ALPK3: variants seen among roughly 807,000 people sequenced by gnomAD.
The protein encoded by ALPK3 is alpha-protein kinase 3.
Under a neutral mutation model 140.0 loss-of-function variants are expected in ALPK3, and 102 were observed. The ratio of observed to expected loss-of-function variants is 0.73; its 90% CI spans 0.62 to 0.86. The LOEUF is 0.86. ALPK3 is among the 40% of genes least tolerant of loss of function. The probability of loss-of-function intolerance (pLI) is 0.00; values close to 1 mark genes in which losing one functional copy is unlikely to be tolerated. For missense variants in ALPK3, 2,254 were observed against 2,208.2 expected, an observed-to-expected ratio of 1.02 and a Z score of -0.42; for synonymous variants, 938 against 898.5, an observed-to-expected ratio of 1.04 and a Z score of -0.79.
In ALPK3 at chr15:84,857,951, C is replaced by A; in HGVS notation, c.3213C>A (p.Val1071=). ...GTCCTGGTCCCAGCTCCCTCACTGT[C>A]CCTGCCATTGTGGTAGACGAGGAGG... The part of the protein sequence containing the change: ...SWGPGPSSLT[V]PAIVVDEEDP... Residue 1071 remains valine (V), a synonymous_variant, in exon 6 of 14, where the codon GTC becomes GTA. Coordinates refer to ENST00000258888, the MANE Select transcript of ALPK3 (RefSeq NM_020778.5). 6.2e-7 allele frequency: 1 copy of A among 1,609,580 alleles called. No individual in the cohort carries two copies. The highest frequency in any genetic ancestry group is 1.1e-5 in the South Asian group (1 of 90,398).
chr15:84,825,396 C>T (rs1209944045), intron 2 of ALPK3, among the ~76,000 whole-genome samples: 2 of 152,034 alleles, frequency 1.3e-5, no homozygotes, highest in African/African-American at 4.8e-5. Context: ...AGGCTGGTCT[C>T]GATCTCTTGA....
chr15:84,868,368 C>T lies in ALPK3; in HGVS notation c.5030C>T (p.Thr1677Ile), dbSNP rs900944921. The part of the protein sequence containing the change: ...TRKSAPSSKA[T>I]PQASEPVTTQ... ...AAGAGTGCTCCAAGTTCCAAGGCCACCCCTCAGGCCTCAGAGCCAGTCACC... is the reference window on the plus strand; with the variant it reads ...AAGAGTGCTCCAAGTTCCAAGGCCATCCCTCAGGCCTCAGAGCCAGTCACC... Residue 1677 changes from threonine (T) to isoleucine (I), a missense_variant, in exon 14 of 14, where the codon ACC becomes ATC. Coordinates refer to ENST00000258888, the MANE Select transcript of ALPK3 (RefSeq NM_020778.5). The T allele has an allele frequency of 8.7e-6, 14 of 1,613,896 alleles. No individual in the cohort carries two copies. The highest frequency in any genetic ancestry group is 1.2e-5 in the Non-Finnish European group (14 of 1,180,022).
chr15:84,855,922 G>A (rs1872195662), intron 5 of ALPK3, among the ~76,000 whole-genome samples: 1 of 152,204 alleles, frequency 6.6e-6, no homozygotes, highest in Non-Finnish European at 1.5e-5. Context: ...ACTGGTGGAT[G>A]CTGTCACTGA....
chr15:84,849,006 G>A (rs1370089145), intron 5 of ALPK3, among the ~76,000 whole-genome samples: 1 of 152,092 alleles, frequency 6.6e-6, no homozygotes, highest in East Asian at 1.9e-4. Flanking sequence ...GCCAGGCATG[G>A]TGGTGCATGC....
chr15:84,857,169 G>T lies in ALPK3; in HGVS notation c.2431G>T (p.Glu811Ter). 1 of 1,614,056 alleles carries T rather than the reference G, an allele frequency of 6.2e-7. No individual in the cohort carries two copies. Among genetic ancestry groups the T allele is most frequent in the Non-Finnish European group, 8.5e-7 (1 of 1,179,980 alleles). ...ACAGCCGCCCCATGAGGGGAGTGTG[G>T]AGCAGGTGGGAGGAGAGAGATGCCG... ...PAQPPHEGSV[E>*]QVGGERCRGP... The change falls in exon 6 of 14, where the codon GAG (glutamate) becomes TAG (stop). Residue 811 changes from glutamate to a stop codon, truncating the protein, a stop_gained. Coordinates refer to ENST00000258888, the MANE Select transcript of ALPK3 (RefSeq NM_020778.5). LOFTEE classifies it high-confidence loss of function.
chr15:84,850,940 G>A (rs1377390998), intron 5 of ALPK3, among the ~76,000 whole-genome samples: 1 of 150,622 alleles, frequency 6.6e-6, no homozygotes. Context: ...TTTAGTTAGA[G>A]GGGTCAGCCC....
intron 9 of ALPK3, among the ~76,000 whole-genome samples, chr15:84,860,708 A>G (rs1374288849): frequency 2.6e-5 from 4 of 152,256 alleles, no homozygotes; most frequent in South Asian, 2.1e-4. Context: ...CACTCTTTCA[A>G]TCACTCATTC....
chr15:84,841,779 C>T (rs1449599332), intron 5 of ALPK3, among the ~76,000 whole-genome samples: 10 of 152,078 alleles, frequency 6.6e-5, no homozygotes, highest in South Asian at 2.1e-4. Flanking sequence ...GGAAACAATT[C>T]GTCCCTTTTG....
chr15:84,858,663 C>A (rs566202045), intron 6 of ALPK3, 108 bp downstream of exon 6: 14 of 1,416,494 alleles, frequency 9.9e-6, no homozygotes, highest in Middle Eastern at 4.9e-4. Flanking sequence ...TATCCCTCCT[C>A]GGGATTCATA....
chr15:84,831,858 C>T (rs1334659867), intron 3 of ALPK3, among the ~76,000 whole-genome samples: 1 of 152,150 alleles, frequency 6.6e-6, no homozygotes, highest in Non-Finnish European at 1.5e-5. Flanking sequence ...TTCTTTAGTT[C>T]CTTCCTCTTG....
chr15:84,858,625 T>C, intron 6 of ALPK3, 70 bp downstream of exon 6: 2 of 1,486,258 alleles, frequency 1.3e-6, no homozygotes, highest in Non-Finnish European at 1.8e-6. Context: ...CTGCTGCTGC[T>C]AACAGCACTA....
Position 84,839,029 on chromosome 15 carries a change from C to A in ALPK3, c.354C>A (p.Asp118Glu). The A allele has an allele frequency of 3.7e-6, 6 of 1,613,958 alleles. No homozygotes were observed. Among genetic ancestry groups the A allele is most frequent in the Non-Finnish European group, 5.1e-6 (6 of 1,179,924 alleles). Reference sequence around the variant, plus strand: ...GGTACAAGGATGATACGGAGCTGGACCGCTACTGTGGCTTGCCAAAATATG... The same window carrying A: ...GGTACAAGGATGATACGGAGCTGGAACGCTACTGTGGCTTGCCAAAATATG... Reference protein sequence around the residue: ...VTWYKDDTELDRYCGLPKYEI... With the variant: ...VTWYKDDTELERYCGLPKYEI... Residue 118 changes from aspartate (D) to glutamate (E), a missense_variant, in exon 4 of 14, where the codon GAC becomes GAA. Asp to Glu is a conservative substitution (Grantham distance 45). Transcript: ENST00000258888.
Position 84,819,320 on chromosome 15 carries a change from A to G in ALPK3, c.143+1725A>G, listed in dbSNP as rs114728062. ...ATCAAGTATCTGGAGGGGGCAGGAC[A>G]GCAGGAGTGGGAGAAAGCTTTGGAC... On this transcript the variant is annotated intron_variant, in intron 1 of 13. Coordinates refer to ENST00000258888, the MANE Select transcript of ALPK3 (RefSeq NM_020778.5). 3.9e-3 allele frequency among the ~76,000 whole-genome samples: 589 copies of G among 152,336 alleles called. 2 individuals are homozygous for G. Among genetic ancestry groups the G allele is most frequent in the African/African-American group, 0.013 (546 of 41,580 alleles).
intron 3 of ALPK3, among the ~76,000 whole-genome samples, chr15:84,834,524 G>C (rs1484305416): frequency 6.6e-6 from 1 of 152,232 alleles, no homozygotes; most frequent in African/African-American, 2.4e-5. Context: ...CTTCATTAAT[G>C]TTGGCAATCA....
intron 3 of ALPK3, 37 bp from the exon 4 acceptor site, chr15:84,838,943 G>T (rs753939658): frequency 6.3e-7 from 1 of 1,585,224 alleles, no homozygotes. Flanking sequence ...TTTTGGAACT[G>T]GCCTTGCTGT....
rs1374056082 is a variant in ALPK3 at position 84,817,384 on chromosome 15, G to A, written c.-69G>A. ...AGCGGCGGCGGCGGGCAGGGGCCCG[G>A]GGGCCGGGGCCTGGAGGACAGGCGA... On this transcript the variant is annotated 5_prime_UTR_variant, in exon 1 of 14. Coordinates refer to ENST00000258888, the MANE Select transcript of ALPK3 (RefSeq NM_020778.5). The A allele has an allele frequency of 8.2e-7, 1 of 1,219,344 alleles. No individual in the cohort carries two copies. Among genetic ancestry groups the A allele is most frequent in the Non-Finnish European group, 1.0e-6 (1 of 981,638 alleles). The allele number at this position is 1,219,344 out of a possible 1,614,324, so 75.5% of individuals were successfully genotyped here.
At position 84,870,356 on chromosome 15, in the gene ALPK3, T is replaced by A. The variant is rs527479722; in HGVS notation, c.*1900T>A. 3.1e-4 allele frequency: 47 copies of A among 152,368 alleles called. No individual in the cohort carries two copies. The highest frequency in any genetic ancestry group is 1.1e-3 in the African/African-American group (45 of 41,574). 9.4% of individuals were successfully genotyped at this position (152,368 alleles called of 1,614,324 possible). A position where few individuals can be genotyped will look rare whatever the true frequency, so the allele number is the denominator to read the frequency against. ...GAGAGCTGGAGTACTGTTCATTCAT[T>A]TATTCATTCACCCACTCATTCAGCA... On this transcript the variant is annotated 3_prime_UTR_variant, in exon 14 of 14. Coordinates refer to ENST00000258888, the MANE Select transcript of ALPK3 (RefSeq NM_020778.5).
chr15:84,866,942 C>A (rs530972957), intron 12 of ALPK3, among the ~76,000 whole-genome samples: 2 of 152,202 alleles, frequency 1.3e-5, no homozygotes, highest in African/African-American at 2.4e-5. Flanking sequence ...AAAACGGAAC[C>A]CTTATTTTAA....
In ALPK3 at chr15:84,869,896, C is replaced by CTG. The variant is rs1964049091; in HGVS notation, c.*1443_*1444dup. 1 of 152,470 alleles carries CTG rather than the reference C, an allele frequency of 6.6e-6. No individual in the cohort carries two copies. Among genetic ancestry groups the CTG allele is most frequent in the Non-Finnish European group, 1.5e-5 (1 of 68,068 alleles). The allele number at this position is 152,470 out of a possible 1,614,324, so 9.4% of individuals were successfully genotyped here. ...TGGACCGAAGTTCAGTCGCAGCCTT[C>CTG]TGTGGCCACAGAAAGACAGCTTGTG... On this transcript the variant is annotated 3_prime_UTR_variant, in exon 14 of 14. Transcript: ENST00000258888.
Sources: gnomAD v4.1 joint callset for allele counts (sites outside exome capture counted in the v4.1 genomes callset) on GRCh38, gnomAD v4.1.1 for gene constraint, MANE v1.5 for transcripts, NCBI Gene and HGNC (gene_info 2026-07-23, HGNC 2026-07-21) for gene names.